Variants in NRXN3 observed in about 807,000 individuals in gnomAD.
NRXN3 encodes the protein neurexin III.
NRXN3 carries 32 observed loss-of-function variants against 137.6 expected under a neutral mutation model. The ratio of observed to expected loss-of-function variants is 0.23; its 90% confidence interval spans 0.18 to 0.31. The LOEUF (loss-of-function observed/expected upper bound fraction) is 0.31, where lower values mean the gene tolerates loss of function less well. Ranked by LOEUF, NRXN3 falls within the 10% of genes least tolerant of loss-of-function variation. The pLI, the probability that NRXN3 is intolerant of heterozygous loss-of-function variation, is 1.00. For synonymous variants in NRXN3, 798 were observed against 784.5 expected, an observed-to-expected ratio of 1.02 and a Z score of -0.29; for missense variants, 1,574 against 2,062.5, an observed-to-expected ratio of 0.76 and a Z score of 4.59.
intron 16 of NRXN3, among the ~76,000 whole-genome samples, chr14:79,650,991 A>C (rs2098473105): frequency 6.6e-6 from 1 of 152,190 alleles, no homozygotes; most frequent in Admixed American, 6.5e-5. Flanking sequence ...AATGAAACTG[A>C]GTTTCTCTGA....
intron 6 of NRXN3, among the ~76,000 whole-genome samples, chr14:78,709,006 G>A (rs2098383919): frequency 6.6e-6 from 1 of 152,170 alleles, no homozygotes; most frequent in African/African-American, 2.4e-5. Flanking sequence ...AAGAAATTCT[G>A]TAGAAATATA....
chr14:79,267,891 T>A (rs2078690340), intron 15 of NRXN3, among the ~76,000 whole-genome samples: 1 of 152,240 alleles, frequency 6.6e-6, no homozygotes, highest in South Asian at 2.1e-4. Context: ...CTTCAGTATG[T>A]GGACTTCTTG....
intron 15 of NRXN3, among the ~76,000 whole-genome samples, chr14:79,161,538 A>G (rs2153064577): frequency 6.6e-6 from 1 of 152,128 alleles, no homozygotes; most frequent in Non-Finnish European, 1.5e-5. Context: ...AGTCCCATTT[A>G]GAAAGATTGA....
intron 18 of NRXN3, among the ~76,000 whole-genome samples, chr14:79,695,941 A>G (rs2098733950): frequency 6.6e-6 from 1 of 152,000 alleles, no homozygotes; most frequent in Admixed American, 6.6e-5. Flanking sequence ...CATTTTCACT[A>G]TAACAAAGTT....
chr14:79,539,087 T>A (rs1429601328), intron 16 of NRXN3, among the ~76,000 whole-genome samples: 4 of 152,066 alleles, frequency 2.6e-5, no homozygotes, highest in Non-Finnish European at 5.9e-5. Flanking sequence ...TGAGATGGAG[T>A]CTTGCTCTGT....
intron 15 of NRXN3, among the ~76,000 whole-genome samples, chr14:79,423,477 C>A (rs1042094761): frequency 7.2e-5 from 11 of 152,176 alleles, no homozygotes; most frequent in African/African-American, 2.7e-4. Context: ...AGGAAAATTT[C>A]AAATGACTAG....
intron 4 of NRXN3, among the ~76,000 whole-genome samples, chr14:78,374,012 G>T (rs1248257431): frequency 1.3e-5 from 2 of 152,176 alleles, no homozygotes; most frequent in Non-Finnish European, 2.9e-5. Flanking sequence ...GTTTAAAAAA[G>T]AAGTTAGACA....
chr14:79,105,297 C>CA (rs1024740810), intron 15 of NRXN3, among the ~76,000 whole-genome samples: 107 of 151,936 alleles, frequency 7.0e-4, no homozygotes, highest in Non-Finnish European at 5.0e-4. Context: ...CATCTCAAGC[C>CA]AAAAAAAGAA....
Position 79,861,542 on chromosome 14 carries a change from C to T in NRXN3, c.4294C>T (p.Arg1432Cys). ...PKLPAGKMNN[R>C]DLKPQPDIVL... ...ATTGCCAGCTGGCAAAATGAATAAC[C>T]GTGATCTCAAACCCCAGCCTGATAT... is the stretch of plus-strand genomic sequence containing the variant. Residue 1432 changes from arginine to cysteine, a missense_variant, in exon 21 of 21, where the codon CGT (arginine) becomes TGT (cysteine). Arg to Cys is a radical substitution (Grantham distance 180). Coordinates refer to ENST00000335750, the MANE Select transcript of NRXN3 (RefSeq NM_001330195.2). The surrounding 1 kb of genome is among the most constrained non-coding windows in gnomAD (Gnocchi z 5.4). 3 of 1,558,152 alleles carry T rather than the reference C, an allele frequency of 1.9e-6. No homozygotes were observed. Among genetic ancestry groups the T allele is most frequent in the Non-Finnish European group, 2.6e-6 (3 of 1,154,148 alleles).
chr14:79,331,840 CTGTGTGTGTGTGTG>C (rs58746209), intron 15 of NRXN3, among the ~76,000 whole-genome samples: 1 of 148,718 alleles, frequency 6.7e-6, no homozygotes, highest in Non-Finnish European at 1.5e-5. Context: ...AAGGCTTTTG[CTGTGTGTGTGTGTG>C]TGTGTGTGTG....
chr14:78,932,888 A>G (rs955758896), intron 10 of NRXN3, among the ~76,000 whole-genome samples: 2 of 152,198 alleles, frequency 1.3e-5, no homozygotes, highest in African/African-American at 4.8e-5. Context: ...GGTACCTTCT[A>G]TGTCCTAGTC....
intron 10 of NRXN3, among the ~76,000 whole-genome samples, chr14:78,843,598 T>G (rs2099018774): frequency 6.6e-6 from 1 of 152,114 alleles, no homozygotes; most frequent in Non-Finnish European, 1.5e-5. Flanking sequence ...AATTTGCTTC[T>G]TCAGTGTCAA....
chr14:78,595,955 G>A (rs944552602), intron 4 of NRXN3, among the ~76,000 whole-genome samples: 3 of 152,252 alleles, frequency 2.0e-5, no homozygotes, highest in South Asian at 2.1e-4. Context: ...AGCTGCAGAC[G>A]TTTTTCCTTG....
rs553096866 is a variant in NRXN3, at chr14:78,444,398, A to C, written c.757+146538A>C. The stretch of plus-strand genomic sequence containing the variant: ...CGGCTTTCCTCGGAGTCCTGGGGAA[A>C]ATACAGCTCAAGGAGGGTCCATGTG... On this transcript the variant is annotated intron_variant, in intron 4 of 20. Coordinates refer to ENST00000335750, the MANE Select transcript of NRXN3 (RefSeq NM_001330195.2). 4.6e-5 allele frequency among the ~76,000 whole-genome samples: 7 copies of C among 152,172 alleles called. No individual in the cohort carries two copies. The South Asian group carries it at 1.5e-3, about 32-fold the overall frequency.
At chr14:79,668,318 T>C (rs977910649) in intron 17 of NRXN3, among the ~76,000 whole-genome samples, 29 of 152,120 alleles carry the variant, frequency 1.9e-4, no homozygotes, top group Non-Finnish European at 2.9e-5. Context: ...ATAGTACTTA[T>C]TGATGACCAA....
At chr14:79,747,086 A>T (rs947052199) in intron 19 of NRXN3, among the ~76,000 whole-genome samples, 4 of 152,112 alleles carry the variant, frequency 2.6e-5, no homozygotes, top group African/African-American at 9.7e-5. Context: ...AAGAAATGAG[A>T]CTTCAGAGCT....
At chr14:78,391,278 G>T (rs1436538483) in intron 4 of NRXN3, among the ~76,000 whole-genome samples, 1 of 152,146 alleles carries the variant, frequency 6.6e-6, no homozygotes, top group African/African-American at 2.4e-5. Flanking sequence ...GATGGGAGGA[G>T]TAGGAGGTAT....
intron 16 of NRXN3, among the ~76,000 whole-genome samples, chr14:79,551,943 T>C (rs1269313477): frequency 2.0e-5 from 3 of 152,128 alleles, no homozygotes; most frequent in African/African-American, 7.2e-5. Context: ...ACACACCAGG[T>C]TTCCACTGCT....
chr14:78,937,197 A>AG (rs2099343704), intron 10 of NRXN3, among the ~76,000 whole-genome samples: 1 of 151,788 alleles, frequency 6.6e-6, no homozygotes, highest in African/African-American at 2.4e-5. Context: ...AAAAAAAAAA[A>AG]AAAAAGAAAC....
Sources: allele counts gnomAD v4.1 joint callset (sites outside exome capture counted in the v4.1 genomes callset), GRCh38; gene constraint gnomAD v4.1.1; non-coding constraint Gnocchi (gnomAD v3.1); transcripts MANE v1.5; gene names NCBI Gene and HGNC (gene_info 2026-07-23, HGNC 2026-07-21).